Variants in FBN2 observed in about 807,000 individuals in gnomAD.
FBN2 encodes the protein fibrillin-2.
Under a neutral mutation model 355.6 loss-of-function variants are expected in FBN2, and 105 were observed. The ratio of observed to expected loss-of-function variants is 0.30; its 90% confidence interval spans 0.25 to 0.35. The LOEUF (loss-of-function observed/expected upper bound fraction) is 0.35. FBN2 is among the 10% of genes least tolerant of loss of function. The probability of loss-of-function intolerance (pLI) is 1.00; values close to 1 mark genes in which losing one functional copy is unlikely to be tolerated. For missense variants in FBN2, 3,280 were observed against 3,758.7 expected (o/e 0.87, Z 3.33); for synonymous variants, 1,350 against 1,301.2 (o/e 1.04, Z -0.81).
intron 20 of FBN2, among the ~76,000 whole-genome samples, chr5:128,355,703 T>C (rs1408067829): frequency 2.6e-5 from 4 of 152,236 alleles, no homozygotes; most frequent in African/African-American, 9.6e-5. Context: ...ATTCTCTTTT[T>C]AATAAAAAAG....
In FBN2 at chr5:128,405,482, T is replaced by G. The variant is rs965363289; in HGVS notation, c.1078+3192A>C. ...ATAAAAAGAGTTTATCATAATTTTT[T>G]GGTAAATCAAAACTCTCCTCTAAGA... On this transcript the variant is annotated intron_variant, in intron 8 of 64. Transcript: ENST00000262464. 2.6e-5 allele frequency among the ~76,000 whole-genome samples: 4 copies of G among 152,170 alleles called. No individual in the cohort carries two copies. In the South Asian group the frequency reaches 8.3e-4, roughly 32 times the overall value.
intron 11 of FBN2, among the ~76,000 whole-genome samples, chr5:128,387,056 G>C (rs1254722779): frequency 5.3e-5 from 8 of 152,084 alleles, no homozygotes; most frequent in African/African-American, 1.9e-4. Context: ...ATTTGTCTGT[G>C]AATCCTTCTG....
intron 55 of FBN2, among the ~76,000 whole-genome samples, chr5:128,283,044 A>G (rs1317661637): frequency 6.6e-6 from 1 of 152,314 alleles, no homozygotes; most frequent in East Asian, 1.9e-4. Context: ...CTCCCCTATG[A>G]ACCACTGGGC....
At chr5:128,286,133 G>C (rs1050454617) in intron 55 of FBN2, among the ~76,000 whole-genome samples, 2 of 152,118 alleles carry the variant, frequency 1.3e-5, no homozygotes, top group Admixed American at 1.3e-4. Flanking sequence ...AAGAATCACT[G>C]CATAACTACA....
intron 38 of FBN2, 42 bp downstream of exon 38, chr5:128,311,843 C>A: frequency 1.4e-6 from 2 of 1,458,134 alleles, no homozygotes; most frequent in South Asian, 2.3e-5. Flanking sequence ...ATAATTAACT[C>A]TTTACCTTGT....
chr5:128,291,036 C>T (rs2126821530), intron 49 of FBN2, 152 bp from the exon 50 acceptor site: 2 of 625,920 alleles, frequency 3.2e-6, no homozygotes. Flanking sequence ...CCAATTTAGA[C>T]TGACCTGGCT....
At position 128,320,548 on chromosome 5, in the gene FBN2, C is replaced by T. The variant is rs372376543; in HGVS notation, c.4472-1547G>A. ...TTTAAATGAACTTTATTAGAAATTT[C>T]TTCCACCTAAATAATGTAATTGTTG... On this transcript the variant is annotated intron_variant, in intron 34 of 64. Coordinates refer to ENST00000262464, the MANE Select transcript of FBN2 (RefSeq NM_001999.4). Among the ~76,000 whole-genome samples the T allele has an allele frequency of 1.3e-5, 2 of 152,174 alleles. 1 individual carries two copies. The highest frequency in any genetic ancestry group is 4.1e-4 in the South Asian group (2 of 4,834).
At chr5:128,343,331 T>C (rs1751080848) in intron 25 of FBN2, among the ~76,000 whole-genome samples, 1 of 152,136 alleles carries the variant, frequency 6.6e-6, no homozygotes, top group Admixed American at 6.5e-5. Flanking sequence ...GGTGAGGGGA[T>C]GAAGCTCTGG....
chr5:128,378,282 C>G (rs1160986240), intron 12 of FBN2, among the ~76,000 whole-genome samples: 1 of 152,010 alleles, frequency 6.6e-6, no homozygotes, highest in Non-Finnish European at 1.5e-5. Context: ...AAGCAACTAC[C>G]TGTGGATGAA....
chr5:128,368,729 GCA>G (rs148476336), intron 16 of FBN2, among the ~76,000 whole-genome samples: 10,524 of 152,026 alleles, frequency 0.069, 454 homozygotes, highest in Non-Finnish European at 0.096. Context: ...GAGTGGAGTG[GCA>G]CAGTGATGGC....
Position 128,343,047 on chromosome 5 carries a change from A to T in FBN2, c.3343+1338T>A, listed in dbSNP as rs572658059. ...CCAGCGGGATAAAGGAGATGTTATCACTAGAGAGGAGGCTGTGTGAGAAGG... is the reference window on the plus strand; with the variant it reads ...CCAGCGGGATAAAGGAGATGTTATCTCTAGAGAGGAGGCTGTGTGAGAAGG... On this transcript the variant is annotated intron_variant, in intron 25 of 64. Coordinates refer to ENST00000262464, the MANE Select transcript of FBN2 (RefSeq NM_001999.4). Among the ~76,000 whole-genome samples, 12 of 152,242 alleles carry T rather than the reference A, an allele frequency of 7.9e-5. 1 individual carries two copies. The South Asian group carries it at 2.5e-3, about 32-fold the overall frequency.
At chr5:128,522,522 A>T (rs1355176262) in intron 4 of FBN2, among the ~76,000 whole-genome samples, 1 of 152,194 alleles carries the variant, frequency 6.6e-6, no homozygotes, top group Non-Finnish European at 1.5e-5. Flanking sequence ...TGCACGCTGA[A>T]GGTATTCTAC....
intron 5 of FBN2, among the ~76,000 whole-genome samples, chr5:128,491,433 C>A (rs914184526): frequency 6.6e-6 from 1 of 152,168 alleles, no homozygotes; most frequent in Non-Finnish European, 1.5e-5. Context: ...GTGCTGGCAT[C>A]CTTCCTTGCA....
chr5:128,444,205 T>G (rs1056336383), intron 7 of FBN2, among the ~76,000 whole-genome samples: 1 of 151,778 alleles, frequency 6.6e-6, no homozygotes, highest in African/African-American at 2.4e-5. Context: ...CCCGAGTAGC[T>G]GGGACTACAG....
intron 15 of FBN2, among the ~76,000 whole-genome samples, chr5:128,372,577 C>T (rs377223885): frequency 2.6e-5 from 4 of 152,052 alleles, no homozygotes; most frequent in African/African-American, 9.7e-5. Context: ...CTGTAACCTC[C>T]ACCTCCAGGG....
chr5:128,477,751 C>T (rs930079178), intron 5 of FBN2, among the ~76,000 whole-genome samples: 3 of 152,138 alleles, frequency 2.0e-5, no homozygotes, highest in African/African-American at 7.2e-5. Context: ...CACCAAAATC[C>T]ATGCTCTTAA....
intron 31 of FBN2, 22 bp downstream of exon 31, chr5:128,334,697 A>G: frequency 1.2e-6 from 2 of 1,613,946 alleles, no homozygotes; most frequent in Non-Finnish European, 1.7e-6. Flanking sequence ...TGAAATACAG[A>G]GAACACAAGC....
chr5:128,515,539 C>T (rs1411459368), intron 5 of FBN2, among the ~76,000 whole-genome samples: 1 of 152,116 alleles, frequency 6.6e-6, no homozygotes, highest in Non-Finnish European at 1.5e-5. Context: ...TGGAGTGACT[C>T]CTTCTCAGCA....
chr5:128,388,098 C>T (rs1752414874), intron 11 of FBN2, among the ~76,000 whole-genome samples: 3 of 152,004 alleles, frequency 2.0e-5, no homozygotes, highest in Admixed American at 1.3e-4. Context: ...TATGTAATGG[C>T]CTTCTTTGTC....
Sources: allele counts gnomAD v4.1 joint callset (sites outside exome capture counted in the v4.1 genomes callset), GRCh38; gene constraint gnomAD v4.1.1; transcripts MANE v1.5; gene names NCBI Gene and HGNC (gene_info 2026-07-23, HGNC 2026-07-21).